The following TF variants were observed in gnomAD, a reference collection of about 807,000 sequenced individuals.
The protein encoded by TF is serotransferrin.
In TF, 55 loss-of-function variants were observed where a neutral mutation model predicts 82.4. That is an observed-to-expected ratio of 0.67 (90% CI 0.54 to 0.84). The LOEUF is 0.84. Among genes scored for constraint, TF ranks in the 40% least tolerant of loss-of-function variants. TF has a pLI of 0.00. For missense variants in TF, 737 were observed against 868.4 expected (o/e 0.85, Z 1.90); for synonymous variants, 332 against 332.6 (o/e 1.00, Z 0.02).
intron 7 of TF, 77 bp downstream of exon 7, chr3:133,757,086 G>C: frequency 6.3e-7 from 1 of 1,584,874 alleles, no homozygotes; most frequent in Non-Finnish European, 8.7e-7. Flanking sequence ...TGGCCATCTT[G>C]TCACTCTGGA....
the TF span, among the ~76,000 whole-genome samples, chr3:133,723,953 A>G: frequency 2.6e-5 from 4 of 151,916 alleles, no homozygotes; most frequent in Non-Finnish European, 4.4e-5. Context: ...ATGATTTCCA[A>G]TTTCATCCAT....
the TF span, among the ~76,000 whole-genome samples, chr3:133,681,930 CCTAA>C: frequency 6.6e-6 from 1 of 152,218 alleles, no homozygotes; most frequent in Non-Finnish European, 1.5e-5. Context: ...CCCCGAGTAG[CCTAA>C]CTGGGAGGCA....
chr3:133,757,177 C>T (rs1253757659), intron 7 of TF, among the ~76,000 whole-genome samples, 168 bp downstream of exon 7: 1 of 152,226 alleles, frequency 6.6e-6, no homozygotes, highest in Non-Finnish European at 1.5e-5. Flanking sequence ...CACAGAGCAG[C>T]AGGGAGCCTG....
chr3:133,690,317 T>G, the TF span, among the ~76,000 whole-genome samples: 2 of 152,194 alleles, frequency 1.3e-5, no homozygotes, highest in South Asian at 4.1e-4. Context: ...AGAAAAGACA[T>G]TACAACTAAG....
rs760059643 is a variant in TF at position 133,790,057 on chromosome 3, T to C, written c.*11437T>C. The C allele has an allele frequency of 2.0e-5, 3 of 152,140 alleles. No homozygotes were observed. Among genetic ancestry groups the C allele is most frequent in the African/African-American group, 7.2e-5 (3 of 41,436 alleles). The allele number at this position is 152,140 out of a possible 1,614,324, so 9.4% of individuals were successfully genotyped here. ...CAGGGAAATAACTGACTTTAAAAGA[T>C]AGTGTCTAACATTTCGGTTTACAGA... On this transcript the variant is annotated 3_prime_UTR_variant, in exon 17 of 17. Coordinates refer to ENST00000402696, the MANE Select transcript of TF (RefSeq NM_001063.4).
At chr3:133,758,718 T>C (rs1156696245) in intron 8 of TF, among the ~76,000 whole-genome samples, 1 of 152,214 alleles carries the variant, frequency 6.6e-6, no homozygotes, top group African/African-American at 2.4e-5. Flanking sequence ...GTACATTTAT[T>C]CATCAGACAT....
In TF at chr3:133,773,937, C is replaced by T. The variant is rs1338097796; in HGVS notation, c.1688-1496C>T. The T allele has an allele frequency of 2.6e-5, 4 of 152,420 alleles. No individual in the cohort carries two copies. The East Asian group carries it at 7.7e-4, about 29-fold the overall frequency. The allele number at this position is 152,420 out of a possible 1,614,324, so 9.4% of individuals were successfully genotyped here. A position where few individuals can be genotyped will look rare whatever the true frequency, so the allele number is the denominator to read the frequency against. ...TGCCCCCAGTCTCGCCTGCACTCTC[C>T]TTTCCTCCCGCAGAGAGGCATTCCT... is the stretch of plus-strand genomic sequence containing the variant. On this transcript the variant is annotated intron_variant, in intron 14 of 16. Transcript: ENST00000402696.
At chr3:133,714,768 C>T in the TF span, among the ~76,000 whole-genome samples, 4 of 152,040 alleles carry the variant, frequency 2.6e-5, no homozygotes, top group Non-Finnish European at 2.9e-5. Context: ...ATGAAACCTC[C>T]GCCTCCTGGG....
chr3:133,710,419 C>T, the TF span, among the ~76,000 whole-genome samples: 7 of 152,254 alleles, frequency 4.6e-5, no homozygotes, highest in East Asian at 3.9e-4. Flanking sequence ...CATTTACAAG[C>T]GCCCCCACCA....
At chr3:133,672,603 T>C in the TF span, among the ~76,000 whole-genome samples, 2 of 152,238 alleles carry the variant, frequency 1.3e-5, no homozygotes, top group Non-Finnish European at 2.9e-5. Flanking sequence ...GGTGCACTGC[T>C]GTAGCCCCAG....
intron 14 of TF, chr3:133,773,730 C>T (rs1437225792): frequency 6.6e-6 from 1 of 152,020 alleles, no homozygotes; most frequent in South Asian, 2.1e-4. Flanking sequence ...ACTGAATCAC[C>T]TCCCATTTGA....
chr3:133,776,952 C>T, intron 15 of TF, 97 bp from the exon 16 acceptor site: 1 of 1,150,630 alleles, frequency 8.7e-7, no homozygotes, highest in Admixed American at 1.8e-5. Flanking sequence ...TCCCTTTTTC[C>T]CCAGGGCTGG....
At chr3:133,750,906 T>C (rs987715177) in intron 2 of TF, among the ~76,000 whole-genome samples, 5 of 152,196 alleles carry the variant, frequency 3.3e-5, no homozygotes, top group African/African-American at 7.2e-5. Context: ...TATTCAACAA[T>C]GTGAGGACTG....
chr3:133,743,794 A>G (rs1258349192), upstream of TF, among the ~76,000 whole-genome samples: 1 of 152,204 alleles, frequency 6.6e-6, no homozygotes, highest in Non-Finnish European at 1.5e-5. Flanking sequence ...TGTCATGGAC[A>G]TGGAGCGCTG....
At chr3:133,666,218 G>A in the TF span, among the ~76,000 whole-genome samples, 1 of 152,128 alleles carries the variant, frequency 6.6e-6, no homozygotes, top group Non-Finnish European at 1.5e-5. Flanking sequence ...TGTCGCCCAG[G>A]TTAGAGTGCA....
intron 9 of TF, 112 bp downstream of exon 9, chr3:133,759,441 A>C (rs1933928107): frequency 7.3e-7 from 1 of 1,375,874 alleles, no homozygotes; most frequent in African/African-American, 1.4e-5. Flanking sequence ...GGCTCCCAGG[A>C]ACCTTGCCCT....
chr3:133,668,431 C>A, the TF span, among the ~76,000 whole-genome samples: 2 of 152,148 alleles, frequency 1.3e-5, no homozygotes, highest in Non-Finnish European at 2.9e-5. Context: ...CTAATCAGAA[C>A]CCCCAATCGA....
chr3:133,770,469 C>A (rs375841846), intron 13 of TF, 39 bp from the exon 14 acceptor site: 20 of 1,607,534 alleles, frequency 1.2e-5, no homozygotes, highest in Non-Finnish European at 1.7e-5. Context: ...GTCACTCTGA[C>A]CGCCTTTTTT....
intron 2 of TF, 32 bp from the exon 3 acceptor site, chr3:133,753,563 G>T: frequency 6.3e-7 from 1 of 1,596,946 alleles, no homozygotes; most frequent in Admixed American, 1.7e-5. Flanking sequence ...GGAAGTCAAG[G>T]CTTCATCCAG....
Sources: gnomAD v4.1 joint callset for allele counts (sites outside exome capture counted in the v4.1 genomes callset) on GRCh38, gnomAD v4.1.1 for gene constraint, MANE v1.5 for transcripts, NCBI Gene and HGNC (gene_info 2026-07-23, HGNC 2026-07-21) for gene names.